The following CNTN3 variants were observed in gnomAD, a reference collection of about 807,000 sequenced individuals.
The protein encoded by CNTN3 is contactin 3, also known as contactin-3.
In CNTN3, 60 loss-of-function variants were observed where a neutral mutation model predicts 119.1. The ratio of observed to expected loss-of-function variants is 0.50; its 90% CI spans 0.41 to 0.62. The LOEUF is 0.62. CNTN3 is among the 20% of genes least tolerant of loss of function. CNTN3 has a pLI of 0.00. For missense variants in CNTN3, 1,101 were observed against 1,242.4 expected (o/e 0.89, Z 1.71); for synonymous variants, 450 against 438.7 (o/e 1.03, Z -0.32).
chr3:74,606,036 T>TC (rs1168191375), intron 1 of CNTN3, among the ~76,000 whole-genome samples: 1 of 151,752 alleles, frequency 6.6e-6, no homozygotes. Context: ...TCCTGCCCTC[T>TC]CCCCTCAAAA....
rs1172981966 is a variant in CNTN3, at chr3:74,494,365, AC to A, written c.182+5293del. 3.9e-5 allele frequency among the ~76,000 whole-genome samples: 6 copies of A among 152,086 alleles called. No homozygotes were observed. In the East Asian group the frequency reaches 1.2e-3, roughly 29 times the overall value. On this transcript the variant is annotated intron_variant, in intron 3 of 22. Transcript: ENST00000263665. ...TATCACCTTTAATATCTAAAATCTA[AC>A]CTTTATGTCTCTGCTGGGTATTGAC...
At chr3:74,411,911 G>A (rs573412015) in intron 5 of CNTN3, among the ~76,000 whole-genome samples, 3 of 152,250 alleles carry the variant, frequency 2.0e-5, no homozygotes, top group Admixed American at 6.5e-5. Context: ...ACAGGAGTGG[G>A]CTGCAAAACA....
intron 11 of CNTN3, among the ~76,000 whole-genome samples, chr3:74,353,642 G>A (rs1330580624): frequency 6.6e-6 from 1 of 152,070 alleles, no homozygotes; most frequent in Non-Finnish European, 1.5e-5. Flanking sequence ...TGTAGTCCCA[G>A]CTACTCGGGA....
At chr3:74,552,489 A>G (rs547100682) in intron 1 of CNTN3, among the ~76,000 whole-genome samples, 5 of 152,286 alleles carry the variant, frequency 3.3e-5, no homozygotes, top group East Asian at 1.9e-4. Flanking sequence ...GATTGTGGCC[A>G]TGGTAATATA....
At chr3:74,587,384 C>G in intron 1 of CNTN3, among the ~76,000 whole-genome samples, 1 of 152,024 alleles carries the variant, frequency 6.6e-6, no homozygotes, top group East Asian at 1.9e-4. Flanking sequence ...CTCTTCTTGG[C>G]AGAAACTTGA....
At chr3:74,388,164 C>T (rs930533422) in intron 5 of CNTN3, among the ~76,000 whole-genome samples, 3 of 152,056 alleles carry the variant, frequency 2.0e-5, no homozygotes, top group African/African-American at 7.2e-5. Flanking sequence ...TTAAAATCAT[C>T]CTAGTGTTTC....
Position 74,503,643 on chromosome 3 carries a change from A to G in CNTN3, c.56-3858T>C, listed in dbSNP as rs79886377. Among the ~76,000 whole-genome samples, 177 of 152,290 alleles carry G rather than the reference A, an allele frequency of 1.2e-3. No individual in the cohort carries two copies. The Middle Eastern group carries it at 0.014, about 12-fold the overall frequency. On this transcript the variant is annotated intron_variant, in intron 2 of 22. Coordinates refer to ENST00000263665, the MANE Select transcript of CNTN3 (RefSeq NM_020872.3). The stretch of plus-strand genomic sequence containing the variant: ...AATGAATTTTGATCCTCAAAAAGAC[A>G]GAGCCTTGACTATTCACACAGCTAT...
chr3:74,576,718 A>G (rs1259360964), intron 1 of CNTN3, among the ~76,000 whole-genome samples: 3 of 152,084 alleles, frequency 2.0e-5, no homozygotes, highest in African/African-American at 7.2e-5. Context: ...AAAGAAAAAA[A>G]TCTCCTGACC....
Position 74,591,977 on chromosome 3 carries a change from G to A in CNTN3, c.-81+22414C>T, listed in dbSNP as rs890459178. On this transcript the variant is annotated intron_variant, in intron 1 of 22. Coordinates refer to ENST00000263665, the MANE Select transcript of CNTN3 (RefSeq NM_020872.3). Reference sequence around the variant, plus strand: ...GGAAAGAAAATTCAGTCCAGGCTGAGGCTCAGAAAAAATCTACCAGCAAGC... The same window carrying A: ...GGAAAGAAAATTCAGTCCAGGCTGAAGCTCAGAAAAAATCTACCAGCAAGC... Among the ~76,000 whole-genome samples, 5 of 151,818 alleles carry A rather than the reference G, an allele frequency of 3.3e-5. No individual in the cohort carries two copies. The East Asian group carries it at 9.7e-4, about 30-fold the overall frequency.
chr3:74,550,827 C>T (rs565443107), intron 1 of CNTN3, among the ~76,000 whole-genome samples: 1 of 152,320 alleles, frequency 6.6e-6, no homozygotes, highest in African/African-American at 2.4e-5. Context: ...TAGGCATGAG[C>T]CACTGTACCG....
chr3:74,589,083 A>G (rs1704651121), intron 1 of CNTN3, among the ~76,000 whole-genome samples: 1 of 151,066 alleles, frequency 6.6e-6, no homozygotes, highest in East Asian at 2.0e-4. Context: ...AAGCAATGGC[A>G]ACAAAAGCCA....
intron 5 of CNTN3, among the ~76,000 whole-genome samples, chr3:74,375,744 C>T (rs1704461618): frequency 6.6e-6 from 1 of 152,174 alleles, no homozygotes; most frequent in Non-Finnish European, 1.5e-5. Flanking sequence ...GGCAGAAAAA[C>T]AGATTGCCTC....
rs1006543242 is a variant in CNTN3 at position 74,329,262 on chromosome 3, T to A, written c.1668+5473A>T. 8.1e-4 allele frequency among the ~76,000 whole-genome samples: 123 copies of A among 152,242 alleles called. 1 individual carries two copies. The highest frequency in any genetic ancestry group is 2.9e-3 in the African/African-American group (122 of 41,560). ...GAAATTGTGGCTTGTGGGAAATAAA[T>A]CATATTGAAGTGAGCCATTTAAATG... is the stretch of plus-strand genomic sequence containing the variant. On this transcript the variant is annotated intron_variant, in intron 13 of 22. Transcript: ENST00000263665.
At chr3:74,512,692 CAAAAAAAAA>C (rs66822650) in intron 2 of CNTN3, among the ~76,000 whole-genome samples, 2 of 85,250 alleles carry the variant, frequency 2.3e-5, no homozygotes, top group Admixed American at 1.8e-4. Flanking sequence ...CATAATCAAG[CAAAAAAAAA>C]AAAAAAAAAA....
chr3:74,571,974 C>T (rs1704342482), intron 1 of CNTN3, among the ~76,000 whole-genome samples: 1 of 152,276 alleles, frequency 6.6e-6, no homozygotes. Context: ...ATAATGACCT[C>T]TGTCTTAACT....
intron 4 of CNTN3, among the ~76,000 whole-genome samples, chr3:74,450,275 T>C (rs889439227): frequency 6.6e-6 from 1 of 152,020 alleles, no homozygotes; most frequent in Non-Finnish European, 1.5e-5. Flanking sequence ...TTATAAAACA[T>C]AGAAGGAAAT....
At chr3:74,503,301 T>C (rs1703197934) in intron 2 of CNTN3, among the ~76,000 whole-genome samples, 2 of 152,166 alleles carry the variant, frequency 1.3e-5, no homozygotes, top group African/African-American at 4.8e-5. Context: ...GCGCTGGAGT[T>C]AATGGCCTAT....
At position 74,367,896 on chromosome 3, in the gene CNTN3, C is replaced by T. The variant is rs148601616; in HGVS notation, c.946+1293G>A. Among the ~76,000 whole-genome samples the T allele has an allele frequency of 1.6e-3, 244 of 152,054 alleles. No individual in the cohort carries two copies. The East Asian group carries it at 0.024, about 15-fold the overall frequency. On this transcript the variant is annotated intron_variant, in intron 8 of 22. Coordinates refer to ENST00000263665, the MANE Select transcript of CNTN3 (RefSeq NM_020872.3). The stretch of plus-strand genomic sequence containing the variant: ...CTTATCCTAGATCAAGTAGTGGTTG[C>T]GCAGAAAGAAGGAACTAAGCTAGAG...
intron 1 of CNTN3, among the ~76,000 whole-genome samples, chr3:74,556,079 C>G (rs1704065110): frequency 6.6e-6 from 1 of 152,094 alleles, no homozygotes. Context: ...AAATGTTTTT[C>G]ATAGCTTGTA....
Sources: gnomAD v4.1 joint callset for allele counts (sites outside exome capture counted in the v4.1 genomes callset) on GRCh38, gnomAD v4.1.1 for gene constraint, MANE v1.5 for transcripts, NCBI Gene and HGNC (gene_info 2026-07-23, HGNC 2026-07-21) for gene names.